Variants in MAP4K5 observed in about 807,000 individuals in gnomAD.
The protein encoded by MAP4K5 is MAPK/ERK kinase kinase kinase 5.
A neutral mutation model predicts 135.6 loss-of-function variants in MAP4K5; 82 were observed. The observed-to-expected ratio is 0.60, with a 90% CI of 0.51 to 0.73. MAP4K5 has a LOEUF of 0.73. MAP4K5 is among the 30% of genes least tolerant of loss of function. MAP4K5 has a pLI of 0.00. For synonymous variants in MAP4K5, 347 were observed against 335.0 expected (o/e 1.04, Z -0.39); for missense variants, 907 against 1,010.9 (o/e 0.90, Z 1.39).
Position 50,422,040 on chromosome 14 carries a change from C to T in MAP4K5, c.2453+1081G>A, listed in dbSNP as rs115784215. Reference sequence around the variant, plus strand: ...CCGAGTAGCTGGGATTACAGGGACACGCCACCATACCTGGCTACTTTTTCT... The same window carrying T: ...CCGAGTAGCTGGGATTACAGGGACATGCCACCATACCTGGCTACTTTTTCT... On this transcript the variant is annotated intron_variant, in intron 32 of 32. Coordinates refer to ENST00000682126, the MANE Select transcript of MAP4K5 (RefSeq NM_006575.6). Among the ~76,000 whole-genome samples the T allele has an allele frequency of 4.5e-3, 686 of 152,074 alleles. 5 individuals are homozygous for T. The highest frequency in any genetic ancestry group is 0.016 in the African/African-American group (644 of 41,478).
At chr14:50,509,964 T>C (rs2037897596) in intron 2 of MAP4K5, among the ~76,000 whole-genome samples, 1 of 152,198 alleles carries the variant, frequency 6.6e-6, no homozygotes, top group South Asian at 2.1e-4. Context: ...ACTCACAAAT[T>C]GTGACGGTTG....
At position 50,434,523 on chromosome 14, in the gene MAP4K5, C is replaced by T; in HGVS notation, c.2035G>A (p.Val679Met). The change falls in exon 28 of 33, where the codon GTG becomes ATG. Residue 679 changes from valine (V) to methionine (M), a missense_variant. Transcript: ENST00000682126. ...ATAGGGTATTCCTGTTCAGGTATCA[C>T]CAGCATTTCAAAAACATTCAAAGGA... is the stretch of plus-strand genomic sequence containing the variant. Reference protein sequence around the residue: ...PSPLNVFEMLVIPEQEYPMVC... With the variant: ...PSPLNVFEMLMIPEQEYPMVC... 1.2e-6 allele frequency: 2 copies of T among 1,604,184 alleles called. No individual in the cohort carries two copies. The highest frequency in any genetic ancestry group is 1.7e-6 in the Non-Finnish European group (2 of 1,175,122).
chr14:50,493,095 C>G, intron 3 of MAP4K5, among the ~76,000 whole-genome samples: 1 of 151,538 alleles, frequency 6.6e-6, no homozygotes, highest in East Asian at 1.9e-4. Context: ...CAGAGACACC[C>G]ACTGTTAGCT....
Position 50,456,383 on chromosome 14 carries a change from C to A in MAP4K5, c.1015+133G>T, listed in dbSNP as rs1327530183. ...TTCCATCGAAACCAGAAAAGCAACCCCTATTTTAAAAGTATTCTGATATGT... is the reference window on the plus strand; with the variant it reads ...TTCCATCGAAACCAGAAAAGCAACCACTATTTTAAAAGTATTCTGATATGT... On this transcript the variant is annotated intron_variant, in intron 14 of 32. Transcript: ENST00000682126. 4 of 652,688 alleles carry A rather than the reference C, an allele frequency of 6.1e-6. No individual in the cohort carries two copies. The Admixed American group carries it at 1.2e-4, about 19-fold the overall frequency. 40.4% of individuals were successfully genotyped at this position (652,688 alleles called of 1,614,324 possible). A position where few individuals can be genotyped will look rare whatever the true frequency, so the allele number is the denominator to read the frequency against.
chr14:50,425,171 T>C (rs755936893), intron 31 of MAP4K5, among the ~76,000 whole-genome samples: 6 of 152,230 alleles, frequency 3.9e-5, no homozygotes, highest in Non-Finnish European at 7.3e-5. Context: ...GTTAGTATTA[T>C]CTTAGCTAGT....
chr14:50,494,506 T>C (rs1438094589), intron 3 of MAP4K5, among the ~76,000 whole-genome samples: 2 of 152,130 alleles, frequency 1.3e-5, no homozygotes, highest in African/African-American at 2.4e-5. Context: ...CCCAAAGTGA[T>C]ATAAATAGCT....
At chr14:50,522,786 A>G (rs544545355) in intron 2 of MAP4K5, among the ~76,000 whole-genome samples, 92 of 152,332 alleles carry the variant, frequency 6.0e-4, no homozygotes, top group Non-Finnish European at 1.2e-3. Flanking sequence ...TCAAAAAATA[A>G]GAAAGTAGGT....
intron 3 of MAP4K5, among the ~76,000 whole-genome samples, chr14:50,500,929 G>A (rs918781452): frequency 6.6e-6 from 1 of 152,094 alleles, no homozygotes; most frequent in African/African-American, 2.4e-5. Context: ...TTCCTAATAC[G>A]GGAAAATCTT....
chr14:50,499,501 T>A (rs1443155554), intron 3 of MAP4K5, among the ~76,000 whole-genome samples: 1 of 151,882 alleles, frequency 6.6e-6, no homozygotes, highest in Non-Finnish European at 1.5e-5. Flanking sequence ...CTACTAAAAA[T>A]ACAAAAATTA....
chr14:50,478,084 C>T (rs776030972), intron 6 of MAP4K5, among the ~76,000 whole-genome samples: 37 of 151,964 alleles, frequency 2.4e-4, no homozygotes, highest in Non-Finnish European at 4.1e-4. Context: ...TCATCTGGCC[C>T]GGAGTTTTCT....
chr14:50,509,320 G>C (rs945143241), intron 2 of MAP4K5, among the ~76,000 whole-genome samples: 2 of 152,024 alleles, frequency 1.3e-5, no homozygotes, highest in Non-Finnish European at 2.9e-5. Flanking sequence ...TTCAGAATTC[G>C]AGAATTCTCT....
At chr14:50,470,694 T>C (rs913527810) in intron 9 of MAP4K5, among the ~76,000 whole-genome samples, 2 of 151,398 alleles carry the variant, frequency 1.3e-5, no homozygotes, top group Non-Finnish European at 2.9e-5. Flanking sequence ...ACACACCTTT[T>C]ATAAAATGGT....
intron 12 of MAP4K5, 46 bp downstream of exon 12, chr14:50,464,006 C>A: frequency 9.7e-7 from 1 of 1,030,754 alleles, no homozygotes; most frequent in South Asian, 1.4e-5. Flanking sequence ...ACTGATATGT[C>A]TAATTTATGA....
chr14:50,494,549 T>G (rs577259836), intron 3 of MAP4K5, among the ~76,000 whole-genome samples: 2 of 152,140 alleles, frequency 1.3e-5, no homozygotes, highest in Non-Finnish European at 2.9e-5. Flanking sequence ...TGGTAACATT[T>G]TTTTTTGCAG....
intron 2 of MAP4K5, among the ~76,000 whole-genome samples, chr14:50,520,146 C>T (rs556794454): frequency 3.9e-5 from 6 of 152,074 alleles, no homozygotes; most frequent in African/African-American, 1.2e-4. Context: ...GGGTGGATCA[C>T]GAGGTCAGGA....
intron 32 of MAP4K5, among the ~76,000 whole-genome samples, chr14:50,421,617 G>A (rs2035734969): frequency 1.3e-5 from 2 of 151,706 alleles, no homozygotes; most frequent in South Asian, 2.1e-4. Flanking sequence ...GTTTAGATAT[G>A]TATCTTAAAA....
chr14:50,501,023 G>T (rs1195957257), intron 3 of MAP4K5, among the ~76,000 whole-genome samples: 1 of 152,008 alleles, frequency 6.6e-6, no homozygotes, highest in Non-Finnish European at 1.5e-5. Flanking sequence ...ACCAATGGTG[G>T]GTAGTAAATC....
At position 50,560,597 on chromosome 14, in the gene MAP4K5, C is replaced by A. The variant is rs554829673; in HGVS notation, c.-180+443G>T. 1.3e-5 allele frequency: 6 copies of A among 447,838 alleles called. No homozygotes were observed. The East Asian group carries it at 2.6e-4, about 20-fold the overall frequency. The allele number at this position is 447,838 out of a possible 1,614,324, so 27.7% of individuals were successfully genotyped here. On this transcript the variant is annotated intron_variant, in intron 1 of 8. Transcript: ENST00000555216. ...GCATTTGGACAGCACCCACCAGGCG[C>A]CTCCGGGGACTTGTGGGTTCCGCCT...
chr14:50,421,706 T>C (rs1391552652), intron 32 of MAP4K5, among the ~76,000 whole-genome samples: 1 of 151,778 alleles, frequency 6.6e-6, no homozygotes, highest in East Asian at 1.9e-4. Flanking sequence ...CAAATAGTGA[T>C]AGAGTGGACA....
Sources: gnomAD v4.1 joint callset for allele counts (sites outside exome capture counted in the v4.1 genomes callset) on GRCh38, gnomAD v4.1.1 for gene constraint, MANE v1.5 for transcripts, NCBI Gene and HGNC (gene_info 2026-07-23, HGNC 2026-07-21) for gene names.